Variants in SYN3 observed in about 807,000 individuals in gnomAD.
The protein encoded by SYN3 is synapsin-3.
SYN3 carries 35 observed loss-of-function variants against 65.8 expected under a neutral mutation model. That is an observed-to-expected ratio of 0.53 (90% CI 0.41 to 0.70). The LOEUF is 0.70. Ranked by LOEUF, SYN3 falls within the 30% of genes least tolerant of loss-of-function variation. The pLI is 0.00. For missense variants in SYN3, 680 were observed against 749.0 expected (o/e 0.91, Z 1.08); for synonymous variants, 270 against 292.9 (o/e 0.92, Z 0.80).
chr22:32,950,027 C>T (rs1425779301), intron 3 of SYN3, among the ~76,000 whole-genome samples: 3 of 152,172 alleles, frequency 2.0e-5, no homozygotes, highest in African/African-American at 7.2e-5. Context: ...CCCAGGGTGA[C>T]TGATAAGATA....
chr22:32,863,506 G>A (rs928598913), intron 6 of SYN3, among the ~76,000 whole-genome samples: 1 of 152,102 alleles, frequency 6.6e-6, no homozygotes, highest in Non-Finnish European at 1.5e-5. Context: ...GAGGTCTCAC[G>A]ACAGCTGGTG....
At chr22:33,004,906 CTCA>C (rs1447470858) in intron 2 of SYN3, among the ~76,000 whole-genome samples, 1 of 152,126 alleles carries the variant, frequency 6.6e-6, no homozygotes, top group Non-Finnish European at 1.5e-5. Context: ...TCCCATAATC[CTCA>C]TGTGTCATGG....
intron 1 of SYN3, among the ~76,000 whole-genome samples, chr22:33,008,049 G>A (rs2053242524): frequency 6.6e-6 from 1 of 151,604 alleles, no homozygotes; most frequent in African/African-American, 2.4e-5. Context: ...TGATTCTCCT[G>A]TCTCAGCCTC....
chr22:32,788,679 C>CTA (rs35632949), intron 6 of SYN3, among the ~76,000 whole-genome samples: 53,241 of 151,916 alleles, frequency 0.35, 9,642 homozygotes, highest in East Asian at 0.51. Context: ...TGTGCAAATA[C>CTA]TATACCATTT....
At chr22:32,540,496 C>T (rs569123135) in intron 8 of SYN3, among the ~76,000 whole-genome samples, 16 of 152,326 alleles carry the variant, frequency 1.1e-4, no homozygotes, top group African/African-American at 3.8e-4. Flanking sequence ...TCTGGGGTCT[C>T]ATCATTTCAA....
chr22:32,650,573 T>G (rs1292569987), intron 6 of SYN3, among the ~76,000 whole-genome samples: 1 of 152,084 alleles, frequency 6.6e-6, no homozygotes, highest in East Asian at 1.9e-4. Flanking sequence ...CTTTACACTT[T>G]TATTGGTCCT....
chr22:32,853,890 T>C (rs757176703), intron 6 of SYN3, among the ~76,000 whole-genome samples: 93 of 152,190 alleles, frequency 6.1e-4, no homozygotes, highest in Non-Finnish European at 1.9e-4. Flanking sequence ...ACTTTCCAAG[T>C]GGCGAACACA....
chr22:32,514,204 C>T (rs1340723157), intron 13 of SYN3, among the ~76,000 whole-genome samples: 1 of 152,182 alleles, frequency 6.6e-6, no homozygotes, highest in Non-Finnish European at 1.5e-5. Flanking sequence ...ACTTTGTAAA[C>T]TGCAATGTGC....
At position 32,706,552 on chromosome 22, in the gene SYN3, G is replaced by C. The variant is rs191322816; in HGVS notation, c.712-109816C>G. ...CACTACCAGTAGATTTGCCCTAAAA[G>C]CAATGTTAACAGGAATTCTTCAGGC... On this transcript the variant is annotated intron_variant, in intron 6 of 13. Transcript: ENST00000358763. 1.7e-4 allele frequency among the ~76,000 whole-genome samples: 26 copies of C among 152,314 alleles called. No individual in the cohort carries two copies. In the East Asian group the frequency reaches 4.6e-3, roughly 27 times the overall value.
At chr22:32,944,550 A>C (rs2051044302) in intron 3 of SYN3, among the ~76,000 whole-genome samples, 1 of 152,202 alleles carries the variant, frequency 6.6e-6, no homozygotes, top group South Asian at 2.1e-4. Context: ...ATCTCAAAAT[A>C]ATAAGAGCTA....
At chr22:32,699,521 G>A (rs1267466092) in intron 6 of SYN3, among the ~76,000 whole-genome samples, 1 of 152,080 alleles carries the variant, frequency 6.6e-6, no homozygotes, top group Non-Finnish European at 1.5e-5. Flanking sequence ...GATTTAGGGT[G>A]GTGTGTGTGC....
chr22:32,693,563 G>T (rs2060694381), intron 6 of SYN3, among the ~76,000 whole-genome samples: 1 of 150,074 alleles, frequency 6.7e-6, no homozygotes, highest in African/African-American at 2.5e-5. Flanking sequence ...GCCTAAATCG[G>T]GTAATATAAT....
chr22:32,675,400 C>G (rs2060425957), intron 6 of SYN3, among the ~76,000 whole-genome samples: 1 of 152,218 alleles, frequency 6.6e-6, no homozygotes, highest in South Asian at 2.1e-4. Context: ...GCCACATCCT[C>G]TCCTGGAATC....
At chr22:32,693,894 C>G (rs1307118535) in intron 6 of SYN3, among the ~76,000 whole-genome samples, 1 of 152,006 alleles carries the variant, frequency 6.6e-6, no homozygotes, top group Non-Finnish European at 1.5e-5. Flanking sequence ...GTAACTTATA[C>G]TTTTATTGAA....
At chr22:32,792,038 G>A (rs1034936656) in intron 6 of SYN3, among the ~76,000 whole-genome samples, 1 of 152,042 alleles carries the variant, frequency 6.6e-6, no homozygotes, top group African/African-American at 2.4e-5. Flanking sequence ...TATACCCCTG[G>A]GGCCACACCC....
At chr22:32,585,991 CGT>C (rs2059025463) in intron 7 of SYN3, among the ~76,000 whole-genome samples, 2 of 79,818 alleles carry the variant, frequency 2.5e-5, no homozygotes, top group African/African-American at 7.7e-5. Context: ...TGTATGTATA[CGT>C]ATATATGTAT....
intron 7 of SYN3, among the ~76,000 whole-genome samples, chr22:32,587,374 A>G (rs1479026729): frequency 1.3e-5 from 2 of 151,824 alleles, no homozygotes; most frequent in Non-Finnish European, 1.5e-5. Context: ...AGGGTCCCTC[A>G]CGGTTTAGCT....
chr22:32,742,333 C>T (rs1161701054), intron 6 of SYN3, among the ~76,000 whole-genome samples: 1 of 152,116 alleles, frequency 6.6e-6, no homozygotes, highest in Non-Finnish European at 1.5e-5. Context: ...AGCCCTTAGT[C>T]ACACAGCCCA....
chr22:32,900,428 T>C (rs1217884558), intron 4 of SYN3, among the ~76,000 whole-genome samples: 1 of 152,236 alleles, frequency 6.6e-6, no homozygotes, highest in Non-Finnish European at 1.5e-5. Context: ...GTAAATGTTA[T>C]GGTCATTTGT....
Sources: gnomAD v4.1 joint callset for allele counts (sites outside exome capture counted in the v4.1 genomes callset) on GRCh38, gnomAD v4.1.1 for gene constraint, MANE v1.5 for transcripts, NCBI Gene and HGNC (gene_info 2026-07-23, HGNC 2026-07-21) for gene names.